Variants in UBE2K observed in about 807,000 individuals in gnomAD.
The protein encoded by UBE2K is ubiquitin-conjugating enzyme E2 K.
A neutral mutation model predicts 30.0 loss-of-function variants in UBE2K; 6 were observed. That is an observed-to-expected ratio of 0.20 (90% CI 0.11 to 0.39). The LOEUF is 0.39. UBE2K is among the 10% of genes least tolerant of loss of function. The pLI, the probability that UBE2K is intolerant of heterozygous loss-of-function variation, is 1.00. For missense variants in UBE2K, 61 were observed against 241.6 expected (o/e 0.25, Z 4.96); for synonymous variants, 86 against 83.7 (o/e 1.03, Z -0.15).
intron 1 of UBE2K, among the ~76,000 whole-genome samples, chr4:39,715,133 C>T (rs1029634621): frequency 1.3e-4 from 19 of 150,700 alleles, no homozygotes; most frequent in African/African-American, 4.4e-4. Context: ...TCACGCCATT[C>T]TTCTGCCTCA....
chr4:39,739,499 T>G (rs1720561614), intron 2 of UBE2K, among the ~76,000 whole-genome samples: 1 of 138,390 alleles, frequency 7.2e-6, no homozygotes, highest in South Asian at 2.3e-4. Flanking sequence ...CACGCTGGAG[T>G]GCAGTGGTAC....
chr4:39,701,470 C>T (rs1252264774), intron 1 of UBE2K, among the ~76,000 whole-genome samples: 3 of 152,086 alleles, frequency 2.0e-5, no homozygotes, highest in Non-Finnish European at 4.4e-5. Flanking sequence ...AAGCACAGTT[C>T]TTTAGATGTC....
intron 2 of UBE2K, among the ~76,000 whole-genome samples, chr4:39,740,680 A>G (rs10005267): frequency 0.13 from 19,535 of 148,322 alleles, 1,370 homozygotes; most frequent in East Asian, 0.23. Flanking sequence ...GGCTAACACG[A>G]TGAAACCCCG....
chr4:39,769,765 C>T (rs1364582519), intron 4 of UBE2K, among the ~76,000 whole-genome samples: 2 of 149,486 alleles, frequency 1.3e-5, no homozygotes, highest in Non-Finnish European at 3.0e-5. Context: ...TGTCTTCCCT[C>T]GTTCTATAGG....
In UBE2K at chr4:39,714,517, C is replaced by CATCTATAT. The variant is rs1553874880; in HGVS notation, c.63+16129_63+16130insCTATATAT. 47 of 41,634 alleles carry CATCTATAT rather than the reference C, an allele frequency of 1.1e-3. 9 individuals carry two copies. The highest frequency in any genetic ancestry group is 5.7e-3 in the African/African-American group (43 of 7,528). The allele number at this position is 41,634 out of a possible 1,614,324, so 2.6% of individuals were successfully genotyped here. ...TGTCCTCCTTGTCTTTTAGAAGTTT[C>CATCTATAT]ATATATATATATATATATATATATA... On this transcript the variant is annotated intron_variant, in intron 1 of 6. Coordinates refer to ENST00000261427, the MANE Select transcript of UBE2K (RefSeq NM_005339.5).
At chr4:39,719,052 C>T (rs1039177922) in intron 1 of UBE2K, among the ~76,000 whole-genome samples, 1 of 152,240 alleles carries the variant, frequency 6.6e-6, no homozygotes, top group Non-Finnish European at 1.5e-5. Flanking sequence ...GCTGCCAGCA[C>T]GCTGTCACCT....
chr4:39,702,158 C>T (rs1718049663), intron 1 of UBE2K, among the ~76,000 whole-genome samples: 1 of 150,688 alleles, frequency 6.6e-6, no homozygotes, highest in African/African-American at 2.4e-5. Flanking sequence ...TGGTCTTATG[C>T]TATATGGCAC....
intron 1 of UBE2K, among the ~76,000 whole-genome samples, chr4:39,708,403 C>A (rs1306086633): frequency 6.6e-6 from 1 of 151,882 alleles, no homozygotes; most frequent in African/African-American, 2.4e-5. Flanking sequence ...GGAAAACCAC[C>A]CTTTTTCATA....
At chr4:39,733,601 G>A (rs1720197234) in intron 1 of UBE2K, among the ~76,000 whole-genome samples, 1 of 151,990 alleles carries the variant, frequency 6.6e-6, no homozygotes, top group African/African-American at 2.4e-5. Context: ...CCAAAGTGTT[G>A]GGATTACAGT....
At chr4:39,766,661 T>G (rs1712359959) in intron 4 of UBE2K, among the ~76,000 whole-genome samples, 1 of 152,192 alleles carries the variant, frequency 6.6e-6, no homozygotes, top group African/African-American at 2.4e-5. Flanking sequence ...TCCTCCCACC[T>G]CAGCCTCCCA....
chr4:39,769,851 G>A (rs926333223), intron 4 of UBE2K, among the ~76,000 whole-genome samples: 1 of 152,020 alleles, frequency 6.6e-6, no homozygotes, highest in Non-Finnish European at 1.5e-5. Flanking sequence ...GTATTCCCCT[G>A]GCCTACTCCA....
Position 39,748,333 on chromosome 4 carries a change from A to C in UBE2K, c.216+2523A>C, listed in dbSNP as rs1055412734. Reference sequence around the variant, plus strand: ...AGCCTTTAACTCCTGGGGTCAAGTGATCCCTCCACCTTGGCCTCCCAAAGT... The same window carrying C: ...AGCCTTTAACTCCTGGGGTCAAGTGCTCCCTCCACCTTGGCCTCCCAAAGT... On this transcript the variant is annotated intron_variant, in intron 3 of 6. Transcript: ENST00000261427. Among the ~76,000 whole-genome samples the C allele has an allele frequency of 3.9e-5, 6 of 152,294 alleles. No homozygotes were observed. The East Asian group carries it at 7.7e-4, about 20-fold the overall frequency.
intron 1 of UBE2K, among the ~76,000 whole-genome samples, chr4:39,734,722 GA>G (rs1206577728): frequency 6.6e-6 from 1 of 152,170 alleles, no homozygotes; most frequent in Non-Finnish European, 1.5e-5. Flanking sequence ...CGAGGTGGGA[GA>G]ATCACCTGAG....
At chr4:39,770,924 A>AGGAGGTG in intron 4 of UBE2K, 2 of 1,127,184 alleles carry the variant, frequency 1.8e-6, no homozygotes, top group Non-Finnish European at 2.5e-6. Context: ...GAGGGGATAG[A>AGGAGGTG]GGAGGTGGGG....
intron 3 of UBE2K, among the ~76,000 whole-genome samples, chr4:39,747,773 C>T (rs569044397): frequency 5.9e-5 from 9 of 151,466 alleles, no homozygotes; most frequent in Non-Finnish European, 1.0e-4. Context: ...TCTGCTACCT[C>T]GCCCGGCTAA....
chr4:39,749,558 A>G (rs534931393), intron 3 of UBE2K, among the ~76,000 whole-genome samples: 3 of 152,292 alleles, frequency 2.0e-5, no homozygotes, highest in East Asian at 3.9e-4. Flanking sequence ...ATGCGCCTGT[A>G]GTCTCAGCTA....
intron 6 of UBE2K, 99 bp downstream of exon 6, chr4:39,777,909 C>G: frequency 1.7e-6 from 2 of 1,187,192 alleles, no homozygotes; most frequent in African/African-American, 1.6e-5. Flanking sequence ...AAGAGAAATT[C>G]GCAGCCTGGG....
chr4:39,782,010 C>G lies in UBE2K; in HGVS notation c.*3576C>G. 2.5e-6 allele frequency: 1 copy of G among 398,306 alleles called. No homozygotes were observed. 24.7% of individuals were successfully genotyped at this position (398,306 alleles called of 1,614,324 possible). On this transcript the variant is annotated 3_prime_UTR_variant, in exon 7 of 7. Coordinates refer to ENST00000261427, the MANE Select transcript of UBE2K (RefSeq NM_005339.5). ...TATTATGTCACACGTTCTATTTGCA[C>G]TGCTGCAATATAGATCAAAGATCTT...
At chr4:39,716,004 C>T (rs1000213912) in intron 1 of UBE2K, among the ~76,000 whole-genome samples, 2 of 152,164 alleles carry the variant, frequency 1.3e-5, no homozygotes, top group African/African-American at 2.4e-5. Context: ...AGTGAGTTCT[C>T]GTGATCATCC....
Sources: allele counts gnomAD v4.1 joint callset (sites outside exome capture counted in the v4.1 genomes callset), GRCh38; gene constraint gnomAD v4.1.1; transcripts MANE v1.5; gene names NCBI Gene and HGNC (gene_info 2026-07-23, HGNC 2026-07-21).